SNTB2: variants seen among roughly 807,000 people sequenced by gnomAD.
The protein encoded by SNTB2 is beta-2-syntrophin.
In SNTB2, 34 loss-of-function variants were observed where a neutral mutation model predicts 46.2. The ratio of observed to expected loss-of-function variants is 0.74; its 90% confidence interval spans 0.56 to 0.98. The LOEUF (loss-of-function observed/expected upper bound fraction) is 0.98. SNTB2 is among the 50% of genes least tolerant of loss of function. The probability of loss-of-function intolerance (pLI) is 0.00; values close to 1 mark genes in which losing one functional copy is unlikely to be tolerated. For synonymous variants in SNTB2, 290 were observed against 312.6 expected, an observed-to-expected ratio of 0.93 and a Z score of 0.76; for missense variants, 603 against 731.4, an observed-to-expected ratio of 0.82 and a Z score of 2.02.
At chr16:69,194,470 C>T (rs749953708) in intron 1 of SNTB2, among the ~76,000 whole-genome samples, 50 of 151,942 alleles carry the variant, frequency 3.3e-4, no homozygotes, top group Admixed American at 8.5e-4. Flanking sequence ...AGACAATTGC[C>T]GGCTGGTATA....
At chr16:69,221,979 C>G (rs1964409883) in intron 1 of SNTB2, among the ~76,000 whole-genome samples, 1 of 152,130 alleles carries the variant, frequency 6.6e-6, no homozygotes, top group African/African-American at 2.4e-5. Context: ...TAGCACAAAG[C>G]TTGAGTCTTT....
At chr16:69,261,400 G>A (rs764609764) in intron 3 of SNTB2, among the ~76,000 whole-genome samples, 2 of 151,482 alleles carry the variant, frequency 1.3e-5, no homozygotes, top group Non-Finnish European at 2.9e-5. Context: ...GGTGGTGCCT[G>A]GTGATCTTGG....
chr16:69,201,541 G>A (rs79808161), intron 1 of SNTB2, among the ~76,000 whole-genome samples: 1 of 152,176 alleles, frequency 6.6e-6, no homozygotes, highest in Admixed American at 6.5e-5. Context: ...TGAAAGAGAT[G>A]TGTGTTTAAA....
At chr16:69,299,976 A>G (rs1347093757) in intron 6 of SNTB2, among the ~76,000 whole-genome samples, 2 of 151,098 alleles carry the variant, frequency 1.3e-5, no homozygotes, top group Non-Finnish European at 3.0e-5. Flanking sequence ...CCTGCAGCCT[A>G]TACCTTCTGG....
At chr16:69,286,973 G>T (rs1243306730) in intron 5 of SNTB2, among the ~76,000 whole-genome samples, 3 of 152,142 alleles carry the variant, frequency 2.0e-5, no homozygotes, top group Non-Finnish European at 2.9e-5. Context: ...TTGTGGATAG[G>T]CGCCCTTAAA....
intron 1 of SNTB2, among the ~76,000 whole-genome samples, chr16:69,216,299 C>T (rs562711608): frequency 1.3e-5 from 2 of 152,146 alleles, no homozygotes; most frequent in African/African-American, 2.4e-5. Flanking sequence ...GTATGGCTTT[C>T]ACAATTTTTA....
chr16:69,202,854 G>A (rs954539538), intron 1 of SNTB2, among the ~76,000 whole-genome samples: 1 of 151,924 alleles, frequency 6.6e-6, no homozygotes, highest in Non-Finnish European at 1.5e-5. Flanking sequence ...GGGATTATAG[G>A]CGTGACCCAG....
intron 2 of SNTB2, among the ~76,000 whole-genome samples, chr16:69,250,984 T>G (rs11863689): frequency 0.025 from 3,724 of 150,484 alleles, 162 homozygotes; most frequent in African/African-American, 0.085. Flanking sequence ...TTTATCTGTT[T>G]TTTTTTTTTT....
rs150590586 is a variant in SNTB2 at position 69,207,052 on chromosome 16, C to G, written c.580+19306C>G. 7.6e-3 allele frequency among the ~76,000 whole-genome samples: 1,159 copies of G among 152,186 alleles called. 11 individuals are homozygous for G. Among genetic ancestry groups the G allele is most frequent in the African/African-American group, 0.024 (999 of 41,528 alleles). ...AACGTGCTGGGATTACAGGCATGAG[C>G]CACACTGCGCCTGGCCTTGCATTTT... On this transcript the variant is annotated intron_variant, in intron 1 of 6. Transcript: ENST00000336278.
intron 1 of SNTB2, among the ~76,000 whole-genome samples, chr16:69,210,223 G>A (rs940800153): frequency 6.6e-6 from 1 of 151,180 alleles, no homozygotes; most frequent in African/African-American, 2.4e-5. Flanking sequence ...GTAAAAAAAT[G>A]TATTACGGTT....
intron 5 of SNTB2, among the ~76,000 whole-genome samples, chr16:69,292,365 TA>T (rs1194259021): frequency 9.2e-5 from 3 of 32,454 alleles, no homozygotes; most frequent in Admixed American, 3.8e-4. Flanking sequence ...TATATATATA[TA>T]TATATATATA....
intron 1 of SNTB2, among the ~76,000 whole-genome samples, chr16:69,204,130 C>T (rs999569507): frequency 2.7e-5 from 4 of 146,260 alleles, no homozygotes; most frequent in Admixed American, 6.8e-5. Flanking sequence ...TGACCTCAAG[C>T]GATCCACCAG....
chr16:69,286,417 C>G (rs568949693), intron 5 of SNTB2, among the ~76,000 whole-genome samples: 1 of 152,126 alleles, frequency 6.6e-6, no homozygotes, highest in South Asian at 2.1e-4. Flanking sequence ...GGTACACTGG[C>G]TCATGCCTGT....
intron 3 of SNTB2, among the ~76,000 whole-genome samples, chr16:69,261,789 T>A (rs1964837070): frequency 6.6e-6 from 1 of 152,184 alleles, no homozygotes. Flanking sequence ...AAACAAAAAA[T>A]TAATGGGTGA....
At chr16:69,227,925 A>G (rs1258254759) in intron 1 of SNTB2, among the ~76,000 whole-genome samples, 1 of 146,766 alleles carries the variant, frequency 6.8e-6, no homozygotes, top group Non-Finnish European at 1.5e-5. Flanking sequence ...TGGCATGATC[A>G]TAGCTCACTG....
At chr16:69,299,804 C>G (rs1567418293) in intron 6 of SNTB2, 30 bp downstream of exon 6, 1 of 1,595,146 alleles carries the variant, frequency 6.3e-7, no homozygotes, top group Non-Finnish European at 8.6e-7. Context: ...ACATGTTTAT[C>G]TAATAGATGT....
At position 69,293,768 on chromosome 16, in the gene SNTB2, A is replaced by G. The variant is rs74027303; in HGVS notation, c.1346-5822A>G. Among the ~76,000 whole-genome samples the G allele has an allele frequency of 7.5e-3, 1,148 of 152,328 alleles. 23 individuals are homozygous for G. Among genetic ancestry groups the G allele is most frequent in the African/African-American group, 0.026 (1,094 of 41,568 alleles). ...GTAGAAGTAGTAATCAATCTTTTACAATTTCTAGGAAGGTGGAGGTAGATG... is the reference window on the plus strand; with the variant it reads ...GTAGAAGTAGTAATCAATCTTTTACGATTTCTAGGAAGGTGGAGGTAGATG... On this transcript the variant is annotated intron_variant, in intron 5 of 6. Transcript: ENST00000336278.
chr16:69,226,293 A>C (rs1698343396), intron 1 of SNTB2, among the ~76,000 whole-genome samples: 1 of 147,690 alleles, frequency 6.8e-6, no homozygotes. Flanking sequence ...CTGGTCTTGA[A>C]CTCCTGACCT....
chr16:69,202,508 T>A (rs1964172928), intron 1 of SNTB2, among the ~76,000 whole-genome samples: 1 of 152,050 alleles, frequency 6.6e-6, no homozygotes, highest in Non-Finnish European at 1.5e-5. Context: ...GCTCAGGTGA[T>A]CCTCCCACCT....
Sources: allele counts gnomAD v4.1 joint callset (sites outside exome capture counted in the v4.1 genomes callset), GRCh38; gene constraint gnomAD v4.1.1; transcripts MANE v1.5; gene names NCBI Gene and HGNC (gene_info 2026-07-23, HGNC 2026-07-21).